The following SLC6A19 variants were observed in gnomAD, a reference collection of about 807,000 sequenced individuals.
SLC6A19 encodes the protein sodium-dependent neutral amino acid transporter B(0)AT1.
SLC6A19 carries 67 observed loss-of-function variants against 68.3 expected under a neutral mutation model. The ratio of observed to expected loss-of-function variants is 0.98; its 90% confidence interval spans 0.81 to 1.20. The LOEUF is 1.20. SLC6A19 is among the 50% of genes most tolerant of loss of function. The pLI is 0.00. For missense variants in SLC6A19, 813 were observed against 851.6 expected (o/e 0.95, Z 0.56); for synonymous variants, 392 against 374.9 (o/e 1.05, Z -0.53).
intron 11 of SLC6A19, 122 bp from the exon 12 acceptor site, chr5:1,221,579 C>G: frequency 7.6e-7 from 1 of 1,311,082 alleles, no homozygotes; most frequent in Non-Finnish European, 1.1e-6. Context: ...TGGAGGAGCC[C>G]CAGGCCACCC....
chr5:1,216,541 A>G lies in SLC6A19; in HGVS notation c.888-17A>G, dbSNP rs1746212827. 1.2e-6 allele frequency: 2 copies of G among 1,613,958 alleles called. No homozygotes were observed. The highest frequency in any genetic ancestry group is 1.3e-5 in the African/African-American group (1 of 75,028). On this transcript the variant is annotated splice_polypyrimidine_tract_variant and intron_variant, in intron 6 of 11. Coordinates refer to ENST00000304460, the MANE Select transcript of SLC6A19 (RefSeq NM_001003841.3). ...GGACCTCATCGCCAGCCGCCATGAC[A>G]CTGGTCTCGTCTGCAGCAACAACTG...
At position 1,214,282 on chromosome 5, in the gene SLC6A19, C is replaced by T. The variant is rs144999062; in HGVS notation, c.887+217C>T. Among the ~76,000 whole-genome samples the T allele has an allele frequency of 4.0e-4, 61 of 152,230 alleles. No homozygotes were observed. Among genetic ancestry groups the T allele is most frequent in the Non-Finnish European group, 7.1e-4 (48 of 67,986 alleles). On this transcript the variant is annotated intron_variant, in intron 6 of 11. Transcript: ENST00000304460. This position sits in a 1 kb window ranked among gnomAD's most constrained non-coding sequence, Gnocchi z 7.4. ...TCTCCCTGTGAGGAGGGCCAGGAGC[C>T]GGGCGCCTGCAGCTTTCCCCACACC...
chr5:1,222,112 C>A lies in SLC6A19; in HGVS notation c.*208C>A. 1.6e-6 allele frequency: 1 copy of A among 621,180 alleles called. No homozygotes were observed. Among genetic ancestry groups the A allele is most frequent in the Middle Eastern group, 4.4e-4 (1 of 2,296 alleles). The allele number at this position is 621,180 out of a possible 1,614,324, so 38.5% of individuals were successfully genotyped here. On this transcript the variant is annotated 3_prime_UTR_variant, in exon 12 of 12. Transcript: ENST00000304460. ...TGCATGGGCACTGTGTGAGTGTGCACGTGTATGCACACATATACATGTGTG... is the reference window on the plus strand; with the variant it reads ...TGCATGGGCACTGTGTGAGTGTGCAAGTGTATGCACACATATACATGTGTG...
Position 1,223,174 on chromosome 5 carries a change from C to T in SLC6A19, c.*1270C>T, listed in dbSNP as rs1313971913. 6.6e-6 allele frequency: 1 copy of T among 152,278 alleles called. No individual in the cohort carries two copies. Among genetic ancestry groups the T allele is most frequent in the African/African-American group, 2.4e-5 (1 of 41,474 alleles). 9.4% of individuals were successfully genotyped at this position (152,278 alleles called of 1,614,324 possible). A position where few individuals can be genotyped will look rare whatever the true frequency, so the allele number is the denominator to read the frequency against. On this transcript the variant is annotated 3_prime_UTR_variant, in exon 12 of 12. Transcript: ENST00000304460. The stretch of plus-strand genomic sequence containing the variant: ...CTGCCGAGTCTCTGCGTTCTGGCCG[C>T]TTCCCGGCTTAATGAATGCCAGCCA...
chr5:1,216,423 C>A, intron 6 of SLC6A19, 135 bp from the exon 7 acceptor site: 1 of 1,319,060 alleles, frequency 7.6e-7, no homozygotes, highest in Non-Finnish European at 1.1e-6. Flanking sequence ...GCTCCGACTG[C>A]CTCCCCGTGT....
chr5:1,219,255 C>CGGGCGTGTG, intron 9 of SLC6A19, 148 bp downstream of exon 9: 4 of 1,052,292 alleles, frequency 3.8e-6, no homozygotes, highest in Non-Finnish European at 5.6e-6. Context: ...GTGCAGCCCC[C>CGGGCGTGTG]AGGCGTGTGA....
chr5:1,219,090 C>T lies in SLC6A19; in HGVS notation c.1361C>T (p.Pro454Leu). The change falls in exon 9 of 12, where the codon CCC (proline) becomes CTC (leucine). Residue 454 changes from proline to leucine, a missense_variant. Physicochemically the swap from Pro to Leu is moderately conservative, Grantham distance 98 (BLOSUM62 -3). Transcript: ENST00000304460. ...QDLRVIPPKW[P>L]KEVLTGLICL... Reference sequence around the variant, plus strand: ...CTCAGAGTCATCCCCCCGAAGTGGCCCAAGGAGGTGCTCACAGGTACGTGT... The same window carrying T: ...CTCAGAGTCATCCCCCCGAAGTGGCTCAAGGAGGTGCTCACAGGTACGTGT... The T allele has an allele frequency of 4.3e-6, 7 of 1,613,448 alleles. No homozygotes were observed. The highest frequency in any genetic ancestry group is 5.9e-6 in the Non-Finnish European group (7 of 1,179,774).
chr5:1,213,413 T>A, intron 4 of SLC6A19, 50 bp from the exon 5 acceptor site: 8 of 448,876 alleles, frequency 1.8e-5, no homozygotes, highest in African/African-American at 5.4e-5. Flanking sequence ...CCCCACCGCA[T>A]GCCTGGCCCC....
rs1746110411 is a variant in SLC6A19, at chr5:1,213,476, C to A, written c.677C>A (p.Thr226Asn). ...CGCCCTCCGCAGGCCGTGTACATCACCTCCACGCTGCCCTATGTCGTCCTG... is the reference window on the plus strand; with the variant it reads ...CGCCCTCCGCAGGCCGTGTACATCAACTCCACGCTGCCCTATGTCGTCCTG... ...IETTGKAVYITSTLPYVVLTI... is the reference protein window; with the variant it reads ...IETTGKAVYINSTLPYVVLTI... Residue 226 changes from threonine (T) to asparagine (N), a missense_variant, in exon 5 of 12, where the codon ACC becomes AAC. Coordinates refer to ENST00000304460, the MANE Select transcript of SLC6A19 (RefSeq NM_001003841.3). 1 of 1,591,578 alleles carries A rather than the reference C, an allele frequency of 6.3e-7. No individual in the cohort carries two copies. Among genetic ancestry groups the A allele is most frequent in the African/African-American group, 1.4e-5 (1 of 71,126 alleles).
Position 1,212,441 on chromosome 5 carries a change from TC to T in SLC6A19, c.622del (p.Leu208CysfsTer27). On this transcript the variant is annotated frameshift_variant, in exon 4 of 12. Transcript: ENST00000304460. LOFTEE classifies it high-confidence loss of function. This position sits in a 1 kb window ranked among gnomAD's most constrained non-coding sequence, Gnocchi z 5.1. Reference sequence around the variant, plus strand: ...CTGTGCCTGGCCTGCGCATGGAGCGTCCTGTACATGTGCACCATCCGCGGCA... The same window carrying T: ...CTGTGCCTGGCCTGCGCATGGAGCGTCTGTACATGTGCACCATCCGCGGCA... ...MLLCLACAWS[V>X]LYMCTIRGIE... 2 of 1,611,342 alleles carry T rather than the reference TC, an allele frequency of 1.2e-6. No individual in the cohort carries two copies. The highest frequency in any genetic ancestry group is 2.2e-5 in the South Asian group (2 of 91,070).
intron 8 of SLC6A19, 77 bp from the exon 9 acceptor site, chr5:1,218,826 C>T (rs1054078696): frequency 3.6e-5 from 54 of 1,511,278 alleles, no homozygotes; most frequent in African/African-American, 2.3e-4. Flanking sequence ...GGCTTGGCGA[C>T]GCACGAGACC....
chr5:1,204,417 G>A (rs1410988580), intron 1 of SLC6A19, among the ~76,000 whole-genome samples: 3 of 152,330 alleles, frequency 2.0e-5, no homozygotes, highest in South Asian at 2.1e-4. Context: ...GGAGCCCCCC[G>A]AGGGTGGTGC....
rs1746476619 is a variant in SLC6A19, at chr5:1,224,065, C to A, written c.*2161C>A. 1.3e-5 allele frequency: 2 copies of A among 152,264 alleles called. No homozygotes were observed. Among genetic ancestry groups the A allele is most frequent in the African/African-American group, 2.4e-5 (1 of 41,460 alleles). 9.4% of individuals were successfully genotyped at this position (152,264 alleles called of 1,614,324 possible). A position where few individuals can be genotyped will look rare whatever the true frequency, so the allele number is the denominator to read the frequency against. ...ACCTCATCTTTTCCTGCTCTTTGGC[C>A]CTGGATCGAGAAAATTTCCATCAGT... is the stretch of plus-strand genomic sequence containing the variant. On this transcript the variant is annotated 3_prime_UTR_variant, in exon 12 of 12. Transcript: ENST00000304460.
intron 1 of SLC6A19, among the ~76,000 whole-genome samples, chr5:1,203,789 C>T (rs1257607606): frequency 6.6e-6 from 1 of 152,248 alleles, no homozygotes; most frequent in Admixed American, 6.5e-5. Context: ...GCCAGAGGGA[C>T]TCGGGCCAGA....
In SLC6A19 at chr5:1,222,684, C is replaced by G. The variant is rs181620658; in HGVS notation, c.*780C>G. ...GCGCATATGGACACGCATGGACACG[C>G]ATATGGACACATATGGACACACATA... On this transcript the variant is annotated 3_prime_UTR_variant, in exon 12 of 12. Transcript: ENST00000304460. 89 of 179,494 alleles carry G rather than the reference C, an allele frequency of 5.0e-4. 1 individual carries two copies. The Middle Eastern group carries it at 6.7e-3, about 14-fold the overall frequency. 11.1% of individuals were successfully genotyped at this position (179,494 alleles called of 1,614,324 possible). A position where few individuals can be genotyped will look rare whatever the true frequency, so the allele number is the denominator to read the frequency against.
intron 1 of SLC6A19, among the ~76,000 whole-genome samples, chr5:1,202,057 C>T (rs1324954157): frequency 6.6e-6 from 1 of 152,200 alleles, no homozygotes; most frequent in African/African-American, 2.4e-5. Flanking sequence ...ATGGGCCTGG[C>T]CGGCACGACC....
chr5:1,220,801 G>T (rs1376074794), intron 10 of SLC6A19, among the ~76,000 whole-genome samples: 1 of 152,226 alleles, frequency 6.6e-6, no homozygotes, highest in African/African-American at 2.4e-5. Flanking sequence ...ACTTCAGGGT[G>T]CTGCTAAGGA....
At chr5:1,210,409 C>G in intron 2 of SLC6A19, 35 bp from the exon 3 acceptor site, 9 of 1,610,622 alleles carry the variant, frequency 5.6e-6, no homozygotes, top group Non-Finnish European at 7.6e-6. Context: ...GAGGGTGTGC[C>G]TCGGCCCCAA....
At chr5:1,206,989 G>A (rs757064357) in intron 1 of SLC6A19, among the ~76,000 whole-genome samples, 33 of 152,278 alleles carry the variant, frequency 2.2e-4, no homozygotes, top group East Asian at 1.7e-3. Context: ...TGCTCACCCC[G>A]GCTGCAGCGT....
Sources: allele counts gnomAD v4.1 joint callset (sites outside exome capture counted in the v4.1 genomes callset), GRCh38; gene constraint gnomAD v4.1.1; non-coding constraint Gnocchi (gnomAD v3.1); transcripts MANE v1.5; gene names NCBI Gene and HGNC (gene_info 2026-07-23, HGNC 2026-07-21).